MUC5B: variants seen among roughly 807,000 people sequenced by gnomAD.
MUC5B encodes the protein mucin-5B.
Under a neutral mutation model 376.9 loss-of-function variants are expected in MUC5B, and 116 were observed. The ratio of observed to expected loss-of-function variants is 0.31; its 90% CI spans 0.26 to 0.36. The LOEUF (loss-of-function observed/expected upper bound fraction) is 0.36, where lower values mean the gene tolerates loss of function less well. MUC5B is among the 10% of genes least tolerant of loss of function. The probability of loss-of-function intolerance (pLI) is 1.00; values close to 1 mark genes in which losing one functional copy is unlikely to be tolerated. For missense variants in MUC5B, 7,165 were observed against 7,769.9 expected, an observed-to-expected ratio of 0.92 and a Z score of 2.93; for synonymous variants, 3,517 against 3,390.9, an observed-to-expected ratio of 1.04 and a Z score of -1.29.
At position 1,257,944 on chromosome 11, in the gene MUC5B, G is replaced by A. The variant is rs765369575; in HGVS notation, c.16451-155G>A. ...GTGGCCCAGGGACGTGGGAAGCAGC[G>A]GGGAGGTGGCCAAGCAAGGGGCCTG... On this transcript the variant is annotated intron_variant, in intron 41 of 48. Transcript: ENST00000529681. The surrounding 1 kb of genome is among the most constrained non-coding windows in gnomAD (Gnocchi z 8.9). Among the ~76,000 whole-genome samples the A allele has an allele frequency of 6.6e-5, 10 of 152,216 alleles. No individual in the cohort carries two copies. The highest frequency in any genetic ancestry group is 4.1e-4 in the South Asian group (2 of 4,830).
In MUC5B at chr11:1,227,375, C is replaced by A; in HGVS notation, c.644C>A (p.Ala215Asp). 1.2e-6 allele frequency: 2 copies of A among 1,612,052 alleles called. No homozygotes were observed. Among genetic ancestry groups the A allele is most frequent in the Non-Finnish European group, 1.7e-6 (2 of 1,179,370 alleles). ...GLCGDFNGLP[A>D]FNEFYAHNAR... is the part of the protein sequence containing the mutation. ...TGTGGGGACTTCAACGGCCTCCCGG[C>A]CTTCAACGAGTTCTATGCCCACAGT... The change falls in exon 6 of 49, where the codon GCC becomes GAC. Residue 215 changes from alanine to aspartate, a missense_variant. By Grantham distance (126) the Ala-to-Asp change is moderately radical (BLOSUM62 -2). Transcript: ENST00000529681.
At chr11:1,261,297 C>T in intron 48 of MUC5B, 92 bp from the exon 49 acceptor site, 9 of 1,193,856 alleles carry the variant, frequency 7.5e-6, no homozygotes, top group Non-Finnish European at 1.1e-5. Flanking sequence ...GGCCGTCTGG[C>T]CCAGGACCCC....
Position 1,248,558 on chromosome 11 carries a change from C to G in MUC5B, c.11678C>G (p.Thr3893Arg), listed in dbSNP as rs371385257. The change falls in exon 31 of 49, where the codon ACA becomes AGA. Residue 3893 changes from threonine to arginine, a missense_variant. Transcript: ENST00000529681. Reference protein sequence around the residue: ...TARTPPVWISTTTTPTTSGST... With the variant: ...TARTPPVWISRTTTPTTSGST... Reference sequence around the variant, plus strand: ...CGCACGCCTCCAGTGTGGATCAGCACAACCACCACACCCACAACCAGTGGC... The same window carrying G: ...CGCACGCCTCCAGTGTGGATCAGCAGAACCACCACACCCACAACCAGTGGC... 88 of 1,613,162 alleles carry G rather than the reference C, an allele frequency of 5.5e-5. No individual in the cohort carries two copies. The highest frequency in any genetic ancestry group is 6.9e-5 in the Non-Finnish European group (81 of 1,179,708).
chr11:1,236,411 G>A lies in MUC5B; in HGVS notation c.2906G>A (p.Gly969Glu), dbSNP rs1404533457. The change falls in exon 24 of 49, where the codon GGG becomes GAG. Residue 969 changes from glycine to glutamate, a missense_variant. This residue lies in a region of MUC5B where 530 missense variants were observed against 604.0 expected (regional missense o/e 0.88). Coordinates refer to ENST00000529681, the MANE Select transcript of MUC5B (RefSeq NM_002458.3). ...VESYELILQE[G>E]TFKAVARGPG... ...AGCTACGAGCTGATCCTCCAAGAGG[G>A]GACCTTTAAGGCGGTGGCGAGAGGG... 4 of 1,611,800 alleles carry A rather than the reference G, an allele frequency of 2.5e-6. No individual in the cohort carries two copies. The highest frequency in any genetic ancestry group is 1.3e-5 in the African/African-American group (1 of 74,926).
rs1379767509 is a variant in MUC5B at position 1,253,262 on chromosome 11, C to T, written c.15217+282C>T. On this transcript the variant is annotated intron_variant, in intron 33 of 48. Transcript: ENST00000529681. The surrounding 1 kb of genome is among the most constrained non-coding windows in gnomAD (Gnocchi z 4.3). ...GTGAGAGCTGTTAGTATGCAGGCTC[C>T]GTGTCCACAGGGCTGAAAATGCTGA... 6.6e-6 allele frequency among the ~76,000 whole-genome samples: 1 copy of T among 152,098 alleles called. No individual in the cohort carries two copies. The highest frequency in any genetic ancestry group is 1.5e-5 in the Non-Finnish European group (1 of 68,028).
rs941105592 is a variant in MUC5B at position 1,242,941 on chromosome 11, A to T, written c.6061A>T (p.Thr2021Ser). ...CACTCCAGAGACTGCCCACACCTCC[A>T]CAGTGCTTACCGCCACGGCCACCAC... ...SSTPETAHTSTVLTATATTTG... is the reference protein window; with the variant it reads ...SSTPETAHTSSVLTATATTTG... The change falls in exon 31 of 49, where the codon ACA (threonine) becomes TCA (serine). Residue 2021 changes from threonine to serine, a missense_variant. By Grantham distance (58) the Thr-to-Ser change is moderately conservative. Around this residue, in one of 31 missense-constraint regions of MUC5B, gnomAD observed 897 missense variants for 779.6 expected, o/e 1.15. Coordinates refer to ENST00000529681, the MANE Select transcript of MUC5B (RefSeq NM_002458.3). 6.2e-7 allele frequency: 1 copy of T among 1,612,170 alleles called. No homozygotes were observed. The highest frequency in any genetic ancestry group is 1.3e-5 in the African/African-American group (1 of 74,494).
Position 1,226,602 on chromosome 11 carries a change from G to T in MUC5B, c.200-13G>T, listed in dbSNP as rs376982854. The T allele has an allele frequency of 1.7e-5, 28 of 1,601,978 alleles. No homozygotes were observed. In the South Asian group the frequency reaches 3.1e-4, roughly 18 times the overall value. On this transcript the variant is annotated splice_polypyrimidine_tract_variant and intron_variant, in intron 3 of 48. Coordinates refer to ENST00000529681, the MANE Select transcript of MUC5B (RefSeq NM_002458.3). ...CTGGCATGGGGATGGGCCTCATCCC[G>T]CGCTCCCCACAGCCCTGAACCCGGC...
chr11:1,252,567 G>A (rs367887591), intron 32 of MUC5B, 43 bp downstream of exon 32: 16 of 1,473,570 alleles, frequency 1.1e-5, no homozygotes, highest in East Asian at 2.4e-5. Context: ...GCGTGCACAC[G>A]GTCTGGGTTG....
rs1394031791 is a variant in MUC5B at position 1,246,900 on chromosome 11, C to T, written c.10020C>T (p.Pro3340=). 8 of 1,611,064 alleles carry T rather than the reference C, an allele frequency of 5.0e-6. No individual in the cohort carries two copies. The East Asian group carries it at 8.9e-5, about 18-fold the overall frequency. ...TGTGGATCAGCACAACCACCACACC[C>T]ACAACCAGAGGCTCCACGGTGACCC... ...PPVWISTTTT[P]TTRGSTVTPS... is the part of the protein sequence containing the mutation. Residue 3340 remains proline (P), a synonymous_variant, in exon 31 of 49, where the codon CCC becomes CCT. Transcript: ENST00000529681.
chr11:1,259,498 G>T, intron 44 of MUC5B: 1 of 574,480 alleles, frequency 1.7e-6, no homozygotes, highest in East Asian at 2.9e-5. Flanking sequence ...CTGGGGGTGG[G>T]ACAGGACCTG....
chr11:1,233,676 TTACAAGGAGGTGGCCAG>T, intron 18 of MUC5B, 100 bp from the exon 19 acceptor site: 1 of 997,928 alleles, frequency 1.0e-6, no homozygotes, highest in Non-Finnish European at 1.5e-6. Context: ...CCGTCTGGCC[TTACAAGGAGGTGGCCAG>T]GCTGGGGAGG....
In MUC5B at chr11:1,258,037, G is replaced by A. The variant is rs1223026927; in HGVS notation, c.16451-62G>A. 6.8e-7 allele frequency: 1 copy of A among 1,465,434 alleles called. No homozygotes were observed. Among genetic ancestry groups the A allele is most frequent in the East Asian group, 2.5e-5 (1 of 40,172 alleles). 90.8% of individuals were successfully genotyped at this position (1,465,434 alleles called of 1,614,324 possible). A position where few individuals can be genotyped will look rare whatever the true frequency, so the allele number is the denominator to read the frequency against. The stretch of plus-strand genomic sequence containing the variant: ...AAAAGCACGCCTGCGACTTACTCTG[G>A]GAACAAGTGGTCGGGAGGAGGAGTG... On this transcript the variant is annotated intron_variant, in intron 41 of 48. Transcript: ENST00000529681. The surrounding 1 kb of genome is among the most constrained non-coding windows in gnomAD (Gnocchi z 5.5).
chr11:1,234,343 G>T lies in MUC5B; in HGVS notation c.2478+38G>T. The T allele has an allele frequency of 1.3e-6, 2 of 1,540,536 alleles. No individual in the cohort carries two copies. The highest frequency in any genetic ancestry group is 1.2e-5 in the South Asian group (1 of 84,906). On this transcript the variant is annotated intron_variant, in intron 20 of 48. Coordinates refer to ENST00000529681, the MANE Select transcript of MUC5B (RefSeq NM_002458.3). The surrounding 1 kb of genome is among the most constrained non-coding windows in gnomAD (Gnocchi z 6.3). ...CTTCAGGGAGGGGTGGGCAGGGAAG[G>T]GGTCCCAGCTTTCCCAGCTCCCGAG...
At chr11:1,223,912 C>T (rs1590165823) in intron 1 of MUC5B, among the ~76,000 whole-genome samples, 1 of 152,206 alleles carries the variant, frequency 6.6e-6, no homozygotes, top group African/African-American at 2.4e-5. Flanking sequence ...CCCTCCCTGC[C>T]CCGCCCTCCA....
At chr11:1,254,581 G>C in intron 34 of MUC5B, 113 bp from the exon 35 acceptor site, 1 of 1,266,226 alleles carries the variant, frequency 7.9e-7, no homozygotes, top group Non-Finnish European at 1.1e-6. Flanking sequence ...CTTTGGGGTG[G>C]GGGATACACA....
chr11:1,232,130 G>C lies in MUC5B; in HGVS notation c.1813G>C (p.Glu605Gln). ...CTGTGCCAATGCCAGGAACAGCTTT[G>C]AGGACCCCTGCTCCCTCAGTGTGGA... ...AACANARNSF[E>Q]DPCSLSVENE... Residue 605 changes from glutamate (E) to glutamine (Q), a missense_variant, in exon 15 of 49, where the codon GAG becomes CAG. By Grantham distance (29) the Glu-to-Gln change is conservative (BLOSUM62 2). Transcript: ENST00000529681. 1.2e-6 allele frequency: 2 copies of C among 1,611,540 alleles called. No individual in the cohort carries two copies. The highest frequency in any genetic ancestry group is 1.7e-6 in the Non-Finnish European group (2 of 1,179,066).
chr11:1,247,254 C>G lies in MUC5B; in HGVS notation c.10374C>G (p.Ser3458=). 1 of 1,612,310 alleles carries G rather than the reference C, an allele frequency of 6.2e-7. No homozygotes were observed. Among genetic ancestry groups the G allele is most frequent in the Non-Finnish European group, 8.5e-7 (1 of 1,179,606 alleles). The change falls in exon 31 of 49, where the codon TCC becomes TCG. Residue 3458 remains serine (S), a synonymous_variant. Transcript: ENST00000529681. The stretch of plus-strand genomic sequence containing the variant: ...CCACGGCCACCACACACGGGCGGTC[C>G]CTGCCCCCCAGCAGTCCCCACACGG... ...PNTTATTHGR[S]LPPSSPHTVR... is the part of the protein sequence containing the mutation.
chr11:1,247,136 T>C lies in MUC5B; in HGVS notation c.10256T>C (p.Leu3419Pro), dbSNP rs199985308. Residue 3419 changes from leucine to proline, a missense_variant, in exon 31 of 49, where the codon CTG (leucine) becomes CCG (proline). Physicochemically the swap from Leu to Pro is moderately conservative, Grantham distance 98. This residue lies in a region of MUC5B where 939 missense variants were observed against 770.6 expected (regional missense o/e 1.22). Coordinates refer to ENST00000529681, the MANE Select transcript of MUC5B (RefSeq NM_002458.3). ...TPGTTPIPPV[L>P]TTTATTPAAT... The stretch of plus-strand genomic sequence containing the variant: ...GGGACAACTCCCATCCCCCCAGTGC[T>C]GACCACCACCGCCACCACACCTGCA... 1.9e-4 allele frequency: 291 copies of C among 1,523,916 alleles called. No individual in the cohort carries two copies. In the African/African-American group the frequency reaches 3.2e-3, roughly 17 times the overall value. The allele number at this position is 1,523,916 out of a possible 1,614,324, so 94.4% of individuals were successfully genotyped here. A position where few individuals can be genotyped will look rare whatever the true frequency, so the allele number is the denominator to read the frequency against.
Position 1,258,569 on chromosome 11 carries a change from C to T in MUC5B, c.16593+202C>T, listed in dbSNP as rs1688371931. 6.6e-6 allele frequency among the ~76,000 whole-genome samples: 1 copy of T among 152,182 alleles called. No homozygotes were observed. The highest frequency in any genetic ancestry group is 1.5e-5 in the Non-Finnish European group (1 of 68,004). ...TCGACAGCCATGAGCTCCACAACTG[C>T]TGCCTCTGAGAGGTCCCTTCAGGGG... On this transcript the variant is annotated intron_variant, in intron 43 of 48. Transcript: ENST00000529681. This position sits in a 1 kb window ranked among gnomAD's most constrained non-coding sequence, Gnocchi z 5.5.
Sources: gnomAD v4.1 joint callset for allele counts (sites outside exome capture counted in the v4.1 genomes callset) on GRCh38, gnomAD v4.1.1 for gene constraint, gnomAD v4.1.1 regional missense constraint, Gnocchi (gnomAD v3.1) non-coding constraint, MANE v1.5 for transcripts, NCBI Gene and HGNC (gene_info 2026-07-23, HGNC 2026-07-21) for gene names.